Variants in C8orf34 observed in about 807,000 individuals in gnomAD.
C8orf34 encodes the protein chromosome 8 open reading frame 34.
Under a neutral mutation model 68.3 loss-of-function variants are expected in C8orf34, and 65 were observed. The observed-to-expected ratio is 0.95, with a 90% CI of 0.78 to 1.17. The LOEUF (loss-of-function observed/expected upper bound fraction) is 1.17. Ranked by LOEUF, C8orf34 falls within the 50% of genes most tolerant of loss-of-function variation. The probability of loss-of-function intolerance (pLI) is 0.00; values close to 1 mark genes in which losing one functional copy is unlikely to be tolerated. For synonymous variants in C8orf34, 244 were observed against 241.2 expected (o/e 1.01, Z -0.11); for missense variants, 664 against 655.4 (o/e 1.01, Z -0.14).
At chr8:68,462,461 T>C (rs552726346) in intron 3 of C8orf34, among the ~76,000 whole-genome samples, 1 of 151,150 alleles carries the variant, frequency 6.6e-6, no homozygotes, top group African/African-American at 2.4e-5. Flanking sequence ...TCTACAGAAC[T>C]CTCCACCCCA....
intron 8 of C8orf34, among the ~76,000 whole-genome samples, chr8:68,653,748 C>T (rs1256773427): frequency 6.6e-6 from 1 of 152,120 alleles, no homozygotes; most frequent in African/African-American, 2.4e-5. Flanking sequence ...CCAAAGGCCC[C>T]ACCTCGAAAT....
intron 8 of C8orf34, among the ~76,000 whole-genome samples, chr8:68,705,773 T>A (rs1289631504): frequency 6.6e-6 from 1 of 151,894 alleles, no homozygotes; most frequent in Non-Finnish European, 1.5e-5. Flanking sequence ...CTTGTTCATA[T>A]GCTGTGGGAA....
At chr8:68,362,086 C>A (rs192754271) in intron 1 of C8orf34, among the ~76,000 whole-genome samples, 1 of 152,260 alleles carries the variant, frequency 6.6e-6, no homozygotes, top group East Asian at 1.9e-4. Flanking sequence ...GTAAAATGAG[C>A]TCTTGAATTG....
chr8:68,439,683 C>A (rs772832473), intron 2 of C8orf34, 37 bp downstream of exon 2: 10 of 1,569,272 alleles, frequency 6.4e-6, no homozygotes, highest in African/African-American at 1.4e-5. Context: ...ATTTGGGATT[C>A]ATTTAATGTC....
In C8orf34 at chr8:68,800,167, T is replaced by C. The variant is rs1824289833; in HGVS notation, c.1549+12631T>C. On this transcript the variant is annotated intron_variant, in intron 12 of 13. Coordinates refer to ENST00000518698, the MANE Select transcript of C8orf34 (RefSeq NM_052958.4). ...AAAACCTTTGCATAGGGAAGAACTC[T>C]AATGAGAGCATTTATATCTGTAGCT... Among the ~76,000 whole-genome samples, 5 of 152,214 alleles carry C rather than the reference T, an allele frequency of 3.3e-5. No homozygotes were observed. In the South Asian group the frequency reaches 1.0e-3, roughly 31 times the overall value.
intron 8 of C8orf34, among the ~76,000 whole-genome samples, chr8:68,652,302 C>T (rs567566337): frequency 1.3e-5 from 2 of 152,288 alleles, no homozygotes; most frequent in Middle Eastern, 3.4e-3. Flanking sequence ...ATTATTTATA[C>T]ATTATGTATC....
chr8:68,372,263 GA>G (rs1201779009), intron 1 of C8orf34, among the ~76,000 whole-genome samples: 2 of 152,130 alleles, frequency 1.3e-5, no homozygotes, highest in Non-Finnish European at 2.9e-5. Flanking sequence ...TTGGAAGACT[GA>G]AAAAGCAAAC....
intron 7 of C8orf34, among the ~76,000 whole-genome samples, chr8:68,606,488 C>T (rs796602265): frequency 2.0e-5 from 3 of 152,202 alleles, no homozygotes; most frequent in African/African-American, 7.2e-5. Context: ...TTATAATCTA[C>T]TAATTGGCTT....
chr8:68,745,313 G>T (rs1347064840), intron 10 of C8orf34, among the ~76,000 whole-genome samples: 5 of 151,944 alleles, frequency 3.3e-5, no homozygotes, highest in East Asian at 3.9e-4. Flanking sequence ...AGACTAGGAA[G>T]AAACTGCATC....
At chr8:68,505,320 A>C (rs1385595747) in intron 5 of C8orf34, among the ~76,000 whole-genome samples, 2 of 152,198 alleles carry the variant, frequency 1.3e-5, no homozygotes, top group Non-Finnish European at 2.9e-5. Context: ...TTAGATCATT[A>C]TTACTTGAAT....
chr8:68,771,368 T>G (rs1042935406), intron 10 of C8orf34, among the ~76,000 whole-genome samples: 2 of 152,174 alleles, frequency 1.3e-5, no homozygotes, highest in Admixed American at 1.3e-4. Context: ...TGTGTAATAA[T>G]GCAGTGAGAA....
chr8:68,494,758 A>AGGCAGGAG (rs972457419), intron 5 of C8orf34, among the ~76,000 whole-genome samples: 2 of 151,924 alleles, frequency 1.3e-5, no homozygotes, highest in African/African-American at 2.4e-5. Flanking sequence ...TGGGAGGCTG[A>AGGCAGGAG]GGCAGGAGAA....
At chr8:68,600,320 A>G (rs1817663639) in intron 7 of C8orf34, among the ~76,000 whole-genome samples, 1 of 152,130 alleles carries the variant, frequency 6.6e-6, no homozygotes, top group Non-Finnish European at 1.5e-5. Flanking sequence ...GGCACTGAGC[A>G]CCACATCAGA....
chr8:68,400,670 C>T (rs969855913), intron 1 of C8orf34, among the ~76,000 whole-genome samples: 2 of 152,126 alleles, frequency 1.3e-5, no homozygotes, highest in Non-Finnish European at 2.9e-5. Context: ...AGGTGATCCT[C>T]CTGCCTCAGC....
At chr8:68,390,532 C>A (rs1350217443) in intron 1 of C8orf34, among the ~76,000 whole-genome samples, 1 of 152,120 alleles carries the variant, frequency 6.6e-6, no homozygotes, top group Non-Finnish European at 1.5e-5. Flanking sequence ...TTCATTAAAA[C>A]TAGAACAGAC....
At chr8:68,539,375 A>G (rs1211916775) in intron 7 of C8orf34, among the ~76,000 whole-genome samples, 2 of 152,188 alleles carry the variant, frequency 1.3e-5, no homozygotes, top group African/African-American at 4.8e-5. Context: ...TGTGCAAAGA[A>G]GTGTAATTAA....
At chr8:68,602,838 T>C (rs1817738422) in intron 7 of C8orf34, among the ~76,000 whole-genome samples, 1 of 152,078 alleles carries the variant, frequency 6.6e-6, no homozygotes. Flanking sequence ...AGTCGTTCTG[T>C]TGGCTTTTTG....
intron 7 of C8orf34, among the ~76,000 whole-genome samples, chr8:68,545,889 A>C (rs60238913): frequency 0.18 from 27,231 of 152,118 alleles, 2,962 homozygotes; most frequent in African/African-American, 0.31. Flanking sequence ...AATGTAGTAT[A>C]GAGTTTATAA....
rs1820147634 is a variant in C8orf34 at position 68,675,267 on chromosome 8, T to A, written c.1242-33727T>A. Among the ~76,000 whole-genome samples the A allele has an allele frequency of 1.3e-5, 2 of 152,060 alleles. 1 individual carries two copies. The highest frequency in any genetic ancestry group is 1.3e-4 in the Admixed American group (2 of 15,262). On this transcript the variant is annotated intron_variant, in intron 8 of 13. Coordinates refer to ENST00000518698, the MANE Select transcript of C8orf34 (RefSeq NM_052958.4). ...AATAGTAAGTACACAGAAAAACACA[T>A]AATATTATAATACTGTAATGGTGGT...
Sources: allele counts gnomAD v4.1 joint callset (sites outside exome capture counted in the v4.1 genomes callset), GRCh38; gene constraint gnomAD v4.1.1; transcripts MANE v1.5; gene names NCBI Gene and HGNC (gene_info 2026-07-23, HGNC 2026-07-21).